OR4S2: variants seen among roughly 807,000 people sequenced by gnomAD.
The protein encoded by OR4S2 is olfactory receptor 4S2.
OR4S2 carries 16 observed loss-of-function variants against 15.1 expected under a neutral mutation model. The observed-to-expected ratio is 1.06, with a 90% CI of 0.72 to 1.61. OR4S2 has a LOEUF of 1.61. Among genes scored for constraint, OR4S2 ranks in the 40% most tolerant of loss-of-function variants. The pLI is 0.00. For synonymous variants in OR4S2, 133 were observed against 136.3 expected (o/e 0.98, Z 0.17); for missense variants, 362 against 379.6 (o/e 0.95, Z 0.38).
chr11:55,652,408 G>A lies in OR4S2; in HGVS notation c.*569G>A, dbSNP rs1469098446. 2.9e-5 allele frequency: 4 copies of A among 138,036 alleles called. No individual in the cohort carries two copies. The highest frequency in any genetic ancestry group is 6.4e-5 in the Non-Finnish European group (4 of 62,210). The allele number at this position is 138,036 out of a possible 1,614,324, so 8.6% of individuals were successfully genotyped here. A position where few individuals can be genotyped will look rare whatever the true frequency, so the allele number is the denominator to read the frequency against. On this transcript the variant is annotated 3_prime_UTR_variant, in exon 2 of 2. Transcript: ENST00000641692. Reference sequence around the variant, plus strand: ...TGTGCTGACTGCTGACATCTGGGGAGCAGCAAGAGGAAAGGGCCTCATAGT... The same window carrying A: ...TGTGCTGACTGCTGACATCTGGGGAACAGCAAGAGGAAAGGGCCTCATAGT...
Position 55,651,786 on chromosome 11 carries a change from G to C in OR4S2, c.883G>C (p.Ala295Pro). The change falls in exon 2 of 2, where the codon GCA becomes CCA. Residue 295 changes from alanine (A) to proline (P), a missense_variant. Physicochemically the swap from Ala to Pro is conservative, Grantham distance 27 (BLOSUM62 -1). Coordinates refer to ENST00000641692, the MANE Select transcript of OR4S2 (RefSeq NM_001004059.3). ...ACTGAGAAATGCAGAAGTAAAGAAT[G>C]CAATGAAGAAACTGTGGGGCAGAAA... ...YTLRNAEVKN[A>P]MKKLWGRNVF... The C allele has an allele frequency of 6.8e-7, 1 of 1,462,028 alleles. No individual in the cohort carries two copies. 90.6% of individuals were successfully genotyped at this position (1,462,028 alleles called of 1,614,324 possible). A position where few individuals can be genotyped will look rare whatever the true frequency, so the allele number is the denominator to read the frequency against.
chr11:55,650,739 T>G lies in OR4S2; in HGVS notation c.-36-129T>G. The G allele has an allele frequency of 4.0e-6, 2 of 498,652 alleles. 1 individual carries two copies. 30.9% of individuals were successfully genotyped at this position (498,652 alleles called of 1,614,324 possible). A position where few individuals can be genotyped will look rare whatever the true frequency, so the allele number is the denominator to read the frequency against. Reference sequence around the variant, plus strand: ...CTTGAGGTAAGATGATCAAAATAGATGCATTTCAATTTCTTCAAGTATGCA... The same window carrying G: ...CTTGAGGTAAGATGATCAAAATAGAGGCATTTCAATTTCTTCAAGTATGCA... On this transcript the variant is annotated intron_variant, in intron 1 of 1. Transcript: ENST00000641692.
chr11:55,649,433 TGAGAGCACAGAGTTTAGTAG>T (rs1858537235), intron 1 of OR4S2, among the ~76,000 whole-genome samples: 1 of 138,388 alleles, frequency 7.2e-6, no homozygotes, highest in South Asian at 2.4e-4. Context: ...TAAGGATAGC[TGAGAGCACAGAGTTTAGTAG>T]GAGTTGTCAG....
Position 55,651,974 on chromosome 11 carries a change from G to T in OR4S2, c.*135G>T. The T allele has an allele frequency of 1.1e-5, 5 of 443,548 alleles. No individual in the cohort carries two copies. Among genetic ancestry groups the T allele is most frequent in the African/African-American group, 2.0e-5 (1 of 50,168 alleles). The allele number at this position is 443,548 out of a possible 1,614,324, so 27.5% of individuals were successfully genotyped here. ...GACAATAACACATTCAAAAGAGTAAGGTATTATTTTTCATTATTATAGCAT... is the reference window on the plus strand; with the variant it reads ...GACAATAACACATTCAAAAGAGTAATGTATTATTTTTCATTATTATAGCAT... On this transcript the variant is annotated 3_prime_UTR_variant, in exon 2 of 2. Coordinates refer to ENST00000641692, the MANE Select transcript of OR4S2 (RefSeq NM_001004059.3).
At chr11:55,649,168 G>T (rs1292195486) in intron 1 of OR4S2, among the ~76,000 whole-genome samples, 1 of 138,224 alleles carries the variant, frequency 7.2e-6, no homozygotes, top group Non-Finnish European at 1.6e-5. Flanking sequence ...AAGTTGAGGG[G>T]CTCTCTTAGT....
Position 55,650,454 on chromosome 11 carries a change from G to C in OR4S2, c.-36-414G>C, listed in dbSNP as rs1858548680. Among the ~76,000 whole-genome samples the C allele has an allele frequency of 1.4e-5, 2 of 138,540 alleles. 1 individual carries two copies. The highest frequency in any genetic ancestry group is 3.2e-5 in the Non-Finnish European group (2 of 62,252). 90.9% of individuals were successfully genotyped at this position (138,540 alleles called of 152,430 possible). ...ATGTGGGCGTATGTTTTCACTTATGGGTCAAAAATAAAGCAATCATTTCCA... is the reference window on the plus strand; with the variant it reads ...ATGTGGGCGTATGTTTTCACTTATGCGTCAAAAATAAAGCAATCATTTCCA... On this transcript the variant is annotated intron_variant, in intron 1 of 1. Coordinates refer to ENST00000641692, the MANE Select transcript of OR4S2 (RefSeq NM_001004059.3).
In OR4S2 at chr11:55,651,207, G is replaced by A. The variant is rs1416288463; in HGVS notation, c.304G>A (p.Val102Ile). The change falls in exon 2 of 2, where the codon GTA becomes ATA. Residue 102 changes from valine to isoleucine, a missense_variant. By Grantham distance (29) the Val-to-Ile change is conservative (BLOSUM62 3). Coordinates refer to ENST00000641692, the MANE Select transcript of OR4S2 (RefSeq NM_001004059.3). Reference sequence around the variant, plus strand: ...GGGGTGCATGTTGCAACTGTTTGGAGTACATTTCTTTGGTTGCACTGAGAT... The same window carrying A: ...GGGGTGCATGTTGCAACTGTTTGGAATACATTTCTTTGGTTGCACTGAGAT... ...YVGCMLQLFGVHFFGCTEIFI... is the reference protein window; with the variant it reads ...YVGCMLQLFGIHFFGCTEIFI... 1.3e-6 allele frequency: 2 copies of A among 1,484,658 alleles called. 1 individual carries two copies. Among genetic ancestry groups the A allele is most frequent in the Non-Finnish European group, 1.8e-6 (2 of 1,089,866 alleles). The allele number at this position is 1,484,658 out of a possible 1,614,324, so 92.0% of individuals were successfully genotyped here.
At position 55,651,069 on chromosome 11, in the gene OR4S2, C is replaced by T; in HGVS notation, c.166C>T (p.Pro56Ser). 6.7e-7 allele frequency: 1 copy of T among 1,484,156 alleles called. No individual in the cohort carries two copies. Among genetic ancestry groups the T allele is most frequent in the Non-Finnish European group, 9.2e-7 (1 of 1,089,550 alleles). The allele number at this position is 1,484,156 out of a possible 1,614,324, so 91.9% of individuals were successfully genotyped here. ...TVCLSNLFKS[P>S]MYFFLSFLSF... ...TTGCCTGAGCAACCTGTTTAAGTCA[C>T]CCATGTATTTCTTTCTCAGCTTCTT... Residue 56 changes from proline (P) to serine (S), a missense_variant, in exon 2 of 2, where the codon CCC becomes TCC. Pro to Ser is a moderately conservative substitution (Grantham distance 74). Transcript: ENST00000641692.
In OR4S2 at chr11:55,651,343, G is replaced by A. The variant is rs758918308; in HGVS notation, c.440G>A (p.Trp147Ter). 2 of 1,481,978 alleles carry A rather than the reference G, an allele frequency of 1.3e-6. No homozygotes were observed. Among genetic ancestry groups the A allele is most frequent in the Non-Finnish European group, 1.8e-6 (2 of 1,087,664 alleles). 91.8% of individuals were successfully genotyped at this position (1,481,978 alleles called of 1,614,324 possible). Residue 147 changes from tryptophan to a stop codon, truncating the protein, a stop_gained, in exon 2 of 2, where the codon TGG becomes TAG. Transcript: ENST00000641692. LOFTEE classifies it high-confidence loss of function. ...TGCAATAAAATGTTATTAGGGACGT[G>A]GGTAGGTGGGTTCTTACACTCCATT... is the stretch of plus-strand genomic sequence containing the variant. The part of the protein sequence containing the change: ...ETCNKMLLGT[W>*]VGGFLHSIIQ...
Position 55,651,433 on chromosome 11 carries a change from G to A in OR4S2, c.530G>A (p.Cys177Tyr), listed in dbSNP as rs765526589. 2.0e-6 allele frequency: 3 copies of A among 1,491,482 alleles called. 1 individual carries two copies. The highest frequency in any genetic ancestry group is 3.8e-4 in the Middle Eastern group (2 of 5,298). 92.4% of individuals were successfully genotyped at this position (1,491,482 alleles called of 1,614,324 possible). A position where few individuals can be genotyped will look rare whatever the true frequency, so the allele number is the denominator to read the frequency against. ...CGPNEIDHYFCDVHPVLKLAC... is the reference protein window; with the variant it reads ...CGPNEIDHYFYDVHPVLKLAC... ...CCCAATGAGATAGATCACTACTTTT[G>A]TGATGTTCACCCTGTGTTGAAACTT... The change falls in exon 2 of 2, where the codon TGT becomes TAT. Residue 177 changes from cysteine to tyrosine, a missense_variant. Cys to Tyr is a radical substitution (Grantham distance 194, BLOSUM62 -2). Transcript: ENST00000641692.
Position 55,651,145 on chromosome 11 carries a change from T to C in OR4S2, c.242T>C (p.Val81Ala), listed in dbSNP as rs1858560120. The change falls in exon 2 of 2, where the codon GTT (valine) becomes GCT (alanine). Residue 81 changes from valine (V) to alanine (A), a missense_variant. By Grantham distance (64) the Val-to-Ala change is moderately conservative (BLOSUM62 0). Coordinates refer to ENST00000641692, the MANE Select transcript of OR4S2 (RefSeq NM_001004059.3). ...TCAGTCACAGCTCCCAAGATGATTGTTGACCTGTTAGCAAAGGACAAAACC... is the reference window on the plus strand; with the variant it reads ...TCAGTCACAGCTCCCAAGATGATTGCTGACCTGTTAGCAAAGGACAAAACC... ...YSSVTAPKMI[V>A]DLLAKDKTIS... is the part of the protein sequence containing the mutation. 3.4e-6 allele frequency: 5 copies of C among 1,477,230 alleles called. 1 individual carries two copies. Among genetic ancestry groups the C allele is most frequent in the Non-Finnish European group, 4.6e-6 (5 of 1,082,882 alleles). The allele number at this position is 1,477,230 out of a possible 1,614,324, so 91.5% of individuals were successfully genotyped here. A position where few individuals can be genotyped will look rare whatever the true frequency, so the allele number is the denominator to read the frequency against.
chr11:55,652,063 C>G lies in OR4S2; in HGVS notation c.*224C>G. ...TCTATGACACAGAAATATTATTAAA[C>G]TTAGAATCACAAAAGTGCAGAAGAG... On this transcript the variant is annotated 3_prime_UTR_variant, in exon 2 of 2. Transcript: ENST00000641692. 3.6e-6 allele frequency: 1 copy of G among 274,968 alleles called. No homozygotes were observed. Among genetic ancestry groups the G allele is most frequent in the Non-Finnish European group, 6.6e-6 (1 of 150,536 alleles). The allele number at this position is 274,968 out of a possible 1,614,324, so 17.0% of individuals were successfully genotyped here.
chr11:55,651,516 G>T lies in OR4S2; in HGVS notation c.613G>T (p.Ala205Ser), dbSNP rs1162715260. The change falls in exon 2 of 2, where the codon GCT becomes TCT. Residue 205 changes from alanine (A) to serine (S), a missense_variant. Transcript: ENST00000641692. The part of the protein sequence containing the change: ...VVVTANSGTI[A>S]LGSFVILLIS... ...TGTGACAGCCAACAGTGGTACCATT[G>T]CTCTGGGGAGTTTTGTTATCTTGCT... The T allele has an allele frequency of 2.0e-6, 3 of 1,488,812 alleles. No homozygotes were observed. The highest frequency in any genetic ancestry group is 2.0e-5 in the Admixed American group (1 of 50,150). 92.2% of individuals were successfully genotyped at this position (1,488,812 alleles called of 1,614,324 possible). A position where few individuals can be genotyped will look rare whatever the true frequency, so the allele number is the denominator to read the frequency against.
Position 55,651,472 on chromosome 11 carries a change from C to T in OR4S2, c.569C>T (p.Thr190Ile), listed in dbSNP as rs777460276. The change falls in exon 2 of 2, where the codon ACA (threonine) becomes ATA (isoleucine). Residue 190 changes from threonine to isoleucine, a missense_variant. Coordinates refer to ENST00000641692, the MANE Select transcript of OR4S2 (RefSeq NM_001004059.3). ...GTGTTGAAACTTGCCTGCACAGAAA[C>T]ATACATTGTTGGTGTTGTTGTGACA... Reference protein sequence around the residue: ...HPVLKLACTETYIVGVVVTAN... With the variant: ...HPVLKLACTEIYIVGVVVTAN... 23 of 1,485,748 alleles carry T rather than the reference C, an allele frequency of 1.5e-5. 7 individuals are homozygous for T. Among genetic ancestry groups the T allele is most frequent in the Non-Finnish European group, 6.4e-6 (7 of 1,090,840 alleles). The allele number at this position is 1,485,748 out of a possible 1,614,324, so 92.0% of individuals were successfully genotyped here.
At position 55,650,881 on chromosome 11, in the gene OR4S2, C is replaced by T; in HGVS notation, c.-23C>T. 1 of 1,044,456 alleles carries T rather than the reference C, an allele frequency of 9.6e-7. No individual in the cohort carries two copies. The highest frequency in any genetic ancestry group is 1.4e-6 in the Non-Finnish European group (1 of 719,090). 64.7% of individuals were successfully genotyped at this position (1,044,456 alleles called of 1,614,324 possible). ...TCTTTTTTTCAGGTAATTTAATTGTCTCCTAAGAACTTGACCCATTCCATG... is the reference window on the plus strand; with the variant it reads ...TCTTTTTTTCAGGTAATTTAATTGTTTCCTAAGAACTTGACCCATTCCATG... On this transcript the variant is annotated 5_prime_UTR_variant, in exon 2 of 2. Transcript: ENST00000641692.
chr11:55,649,358 T>C (rs1305328310), intron 1 of OR4S2, among the ~76,000 whole-genome samples: 1 of 138,250 alleles, frequency 7.2e-6, no homozygotes, highest in African/African-American at 2.5e-5. Flanking sequence ...CTAACATGAA[T>C]ACCTGAAGAA....
chr11:55,651,366 A>G lies in OR4S2; in HGVS notation c.463A>G (p.Ile155Val). ...GTGGGTAGGTGGGTTCTTACACTCCATTATCCAAGTGGCTCTGGTAGTCCA... is the reference window on the plus strand; with the variant it reads ...GTGGGTAGGTGGGTTCTTACACTCCGTTATCCAAGTGGCTCTGGTAGTCCA... ...GTWVGGFLHS[I>V]IQVALVVQLP... Residue 155 changes from isoleucine to valine, a missense_variant, in exon 2 of 2, where the codon ATT becomes GTT. By Grantham distance (29) the Ile-to-Val change is conservative. Transcript: ENST00000641692. 1 of 1,479,930 alleles carries G rather than the reference A, an allele frequency of 6.8e-7. No homozygotes were observed. The highest frequency in any genetic ancestry group is 1.2e-5 in the South Asian group (1 of 84,636). 91.7% of individuals were successfully genotyped at this position (1,479,930 alleles called of 1,614,324 possible).
At chr11:55,648,918 C>T (rs1484267964) in intron 1 of OR4S2, among the ~76,000 whole-genome samples, 1 of 137,408 alleles carries the variant, frequency 7.3e-6, no homozygotes, top group Non-Finnish European at 1.6e-5. Context: ...GGTTAACAGC[C>T]TTTACTAGGA....
At position 55,651,405 on chromosome 11, in the gene OR4S2, G is replaced by C; in HGVS notation, c.502G>C (p.Gly168Arg). 6.7e-7 allele frequency: 1 copy of C among 1,489,164 alleles called. No individual in the cohort carries two copies. The highest frequency in any genetic ancestry group is 9.1e-7 in the Non-Finnish European group (1 of 1,094,170). 92.2% of individuals were successfully genotyped at this position (1,489,164 alleles called of 1,614,324 possible). A position where few individuals can be genotyped will look rare whatever the true frequency, so the allele number is the denominator to read the frequency against. Residue 168 changes from glycine (G) to arginine (R), a missense_variant, in exon 2 of 2, where the codon GGA becomes CGA. Transcript: ENST00000641692. ...VALVVQLPFC[G>R]PNEIDHYFCD... ...TCTGGTAGTCCAACTACCCTTTTGT[G>C]GACCCAATGAGATAGATCACTACTT...
Sources: gnomAD v4.1 joint callset for allele counts (sites outside exome capture counted in the v4.1 genomes callset) on GRCh38, gnomAD v4.1.1 for gene constraint, MANE v1.5 for transcripts, NCBI Gene and HGNC (gene_info 2026-07-23, HGNC 2026-07-21) for gene names.